Variants in DDB1 observed in about 807,000 individuals in gnomAD.
DDB1 encodes the protein DNA damage-binding protein 1.
In DDB1, 18 loss-of-function variants were observed where a neutral mutation model predicts 133.1. That is an observed-to-expected ratio of 0.14 (90% CI 0.09 to 0.20). The LOEUF is 0.20. DDB1 is among the 10% of genes least tolerant of loss of function. DDB1 has a pLI of 1.00. For synonymous variants in DDB1, 580 were observed against 550.5 expected, an observed-to-expected ratio of 1.05 and a Z score of -0.75; for missense variants, 828 against 1,459.2, an observed-to-expected ratio of 0.57 and a Z score of 7.05.
intron 8 of DDB1, 27 bp from the exon 9 acceptor site, chr11:61,322,439 A>C (rs1007042381): frequency 6.3e-7 from 1 of 1,578,908 alleles, no homozygotes; most frequent in African/African-American, 1.3e-5. Context: ...ATGTTATGTT[A>C]GTCCTAGAAC....
rs527531098 is a variant in DDB1 at position 61,319,580 on chromosome 11, C to T, written c.1225+2015G>A. Among the ~76,000 whole-genome samples the T allele has an allele frequency of 3.9e-5, 6 of 152,168 alleles. No homozygotes were observed. The East Asian group carries it at 7.7e-4, about 20-fold the overall frequency. On this transcript the variant is annotated intron_variant, in intron 10 of 26. Transcript: ENST00000301764. The stretch of plus-strand genomic sequence containing the variant: ...CCGAGTAGCTGGGACTACAGGCACG[C>T]GCCACCACCCCCGGCTAATTTTTTG...
chr11:61,303,013 T>C (rs1590678165), intron 23 of DDB1, 33 bp downstream of exon 23: 1 of 1,591,966 alleles, frequency 6.3e-7, no homozygotes, highest in Non-Finnish European at 8.6e-7. Context: ...CTCCCAGCCC[T>C]CCCCACCACT....
At chr11:61,306,104 G>A (rs1590681206) in intron 21 of DDB1, among the ~76,000 whole-genome samples, 2 of 152,104 alleles carry the variant, frequency 1.3e-5, no homozygotes, top group Admixed American at 1.3e-4. Context: ...GCTGGCAACA[G>A]AACAGATATG....
intron 12 of DDB1, 132 bp from the exon 13 acceptor site, chr11:61,314,618 A>G (rs1856035707): frequency 7.6e-6 from 7 of 917,262 alleles, no homozygotes; most frequent in Non-Finnish European, 1.1e-5. Flanking sequence ...CTTATTCCCC[A>G]AAGTCCTGCT....
intron 10 of DDB1, among the ~76,000 whole-genome samples, chr11:61,320,271 G>C (rs1455185607): frequency 6.6e-6 from 1 of 151,640 alleles, no homozygotes; most frequent in Non-Finnish European, 1.5e-5. Context: ...CGCAGTCTCA[G>C]CTCACTGCAA....
At chr11:61,302,984 T>C in intron 23 of DDB1, 62 bp downstream of exon 23, 2 of 1,473,664 alleles carry the variant, frequency 1.4e-6, no homozygotes, top group Non-Finnish European at 1.9e-6. Context: ...AATGCTTGCA[T>C]CCACCAGAGA....
chr11:61,330,159 A>C, intron 2 of DDB1, 85 bp from the exon 3 acceptor site: 1 of 1,137,562 alleles, frequency 8.8e-7, no homozygotes, highest in Non-Finnish European at 1.3e-6. Flanking sequence ...CAAATTCTTT[A>C]AGAATTTTCC....
rs1565034349 is a variant in DDB1, at chr11:61,316,998, T to TATGGAC, written c.1226-432_1226-431insGTCCAT. 2.5e-4 allele frequency among the ~76,000 whole-genome samples: 23 copies of TATGGAC among 92,166 alleles called. 1 individual carries two copies. Among genetic ancestry groups the TATGGAC allele is most frequent in the Non-Finnish European group, 4.7e-4 (20 of 42,454 alleles). The allele number at this position is 92,166 out of a possible 152,430, so 60.5% of individuals were successfully genotyped here. A position where few individuals can be genotyped will look rare whatever the true frequency, so the allele number is the denominator to read the frequency against. On this transcript the variant is annotated intron_variant, in intron 10 of 26. Coordinates refer to ENST00000301764, the MANE Select transcript of DDB1 (RefSeq NM_001923.5). Reference sequence around the variant, plus strand: ...ATATATATATATATATATATATATATAGACATGGCAGCCTGACACCACTGG... The same window carrying TATGGAC: ...ATATATATATATATATATATATATATATGGACAGACATGGCAGCCTGACACCACTGG...
Position 61,314,492 on chromosome 11 carries a change from T to C in DDB1, c.1411-6A>G. ...CTCACCGATGCTGAAGTGATCTAGATAAACAGCAGATGAACAAATGTCTCC... is the reference window on the plus strand; with the variant it reads ...CTCACCGATGCTGAAGTGATCTAGACAAACAGCAGATGAACAAATGTCTCC... On this transcript the variant is annotated splice_polypyrimidine_tract_variant and splice_region_variant and intron_variant, in intron 12 of 26. Coordinates refer to ENST00000301764, the MANE Select transcript of DDB1 (RefSeq NM_001923.5). The C allele has an allele frequency of 1.2e-6, 2 of 1,604,580 alleles. No individual in the cohort carries two copies. Among genetic ancestry groups the C allele is most frequent in the Non-Finnish European group, 1.7e-6 (2 of 1,175,692 alleles).
rs1358257831 is a variant in DDB1, at chr11:61,322,384, G to C, written c.1034C>G (p.Ser345Cys). 6.2e-7 allele frequency: 1 copy of C among 1,614,010 alleles called. No individual in the cohort carries two copies. Among genetic ancestry groups the C allele is most frequent in the African/African-American group, 1.3e-5 (1 of 74,916 alleles). ...KLNVDSNEQG[S>C]YVVAMETFTN... ...AAAGGTTTCCATGGCCACTACATAG[G>C]AGCCTTGTTCATTACTGTCAACGTT... is the stretch of plus-strand genomic sequence containing the variant. The change falls in exon 9 of 27, where the codon TCC becomes TGC. Residue 345 changes from serine (S) to cysteine (C), a missense_variant. By Grantham distance (112) the Ser-to-Cys change is moderately radical. Transcript: ENST00000301764.
chr11:61,303,856 C>T lies in DDB1; in HGVS notation c.2832+9G>A, dbSNP rs768592984. 6.8e-6 allele frequency: 11 copies of T among 1,613,504 alleles called. No homozygotes were observed. In the Admixed American group the frequency reaches 1.3e-4, roughly 20 times the overall value. On this transcript the variant is annotated intron_variant, in intron 22 of 26. Coordinates refer to ENST00000301764, the MANE Select transcript of DDB1 (RefSeq NM_001923.5). Reference sequence around the variant, plus strand: ...AAGAAGTCTGCTCGCATCCCCCCACCAGCATCACCTCTTCAAAGTTTCCTT... The same window carrying T: ...AAGAAGTCTGCTCGCATCCCCCCACTAGCATCACCTCTTCAAAGTTTCCTT...
At chr11:61,304,078 C>T (rs377301735) in intron 21 of DDB1, 43 bp from the exon 22 acceptor site, 33 of 1,607,066 alleles carry the variant, frequency 2.1e-5, no homozygotes, top group Middle Eastern at 1.9e-4. Flanking sequence ...GGCCAGAGCT[C>T]TCTCAGAATG....
intron 10 of DDB1, among the ~76,000 whole-genome samples, chr11:61,316,946 G>GATATATATATATATATATATAT (rs58564398): frequency 3.4e-5 from 1 of 29,080 alleles, no homozygotes; most frequent in Non-Finnish European, 5.2e-5. Context: ...AAAAAGGATA[G>GATATATATATATATATATATAT]ATATATATAT....
chr11:61,324,033 T>C lies in DDB1; in HGVS notation c.867A>G (p.Glu289=). Residue 289 remains glutamate, a synonymous_variant, in exon 7 of 27, where the codon GAA becomes GAG. Transcript: ENST00000301764. ...TGAGAGTGACGGTGCCATCCATCTG[T>C]TCCTCCTTCTCCAAAAGCAGCATGA... ...RLFMLLLEKE[E]QMDGTVTLKD... is the part of the protein sequence containing the mutation. 5.6e-6 allele frequency: 9 copies of C among 1,614,160 alleles called. No homozygotes were observed. The highest frequency in any genetic ancestry group is 7.6e-6 in the Non-Finnish European group (9 of 1,180,014).
chr11:61,306,102 C>T (rs964167049), intron 21 of DDB1, among the ~76,000 whole-genome samples: 1 of 152,142 alleles, frequency 6.6e-6, no homozygotes, highest in Admixed American at 6.6e-5. Flanking sequence ...TGGCTGGCAA[C>T]AGAACAGATA....
chr11:61,331,814 C>A (rs113542416), intron 1 of DDB1, 123 bp from the exon 2 acceptor site: 4 of 1,341,878 alleles, frequency 3.0e-6, no homozygotes, highest in African/African-American at 1.4e-5. Flanking sequence ...ACTTCTCCAA[C>A]TCCCTCCAGC....
chr11:61,325,740 A>G, intron 5 of DDB1, 32 bp from the exon 6 acceptor site: 2 of 1,576,944 alleles, frequency 1.3e-6, no homozygotes, highest in South Asian at 1.1e-5. Context: ...TAGAATGCTC[A>G]GCACTCTGGG....
At position 61,313,510 on chromosome 11, in the gene DDB1, G is replaced by A; in HGVS notation, c.2058C>T (p.Gly686=). The A allele has an allele frequency of 1.2e-6, 2 of 1,613,988 alleles. No individual in the cohort carries two copies. Among genetic ancestry groups the A allele is most frequent in the South Asian group, 2.2e-5 (2 of 91,054 alleles). Residue 686 remains glycine (G), a synonymous_variant, in exon 16 of 27, where the codon GGC becomes GGT. Coordinates refer to ENST00000301764, the MANE Select transcript of DDB1 (RefSeq NM_001923.5). The part of the protein sequence containing the change: ...VNYMCPLNSD[G]YPDSLALANN... ...AAAAAGAGACTCACCTGTCAGGATA[G>A]CCATCTGAATTGAGGGGACACATGT...
intron 10 of DDB1, among the ~76,000 whole-genome samples, chr11:61,319,685 C>T (rs1394831639): frequency 6.6e-6 from 1 of 152,212 alleles, no homozygotes; most frequent in African/African-American, 2.4e-5. Context: ...CCGCCTCGGC[C>T]TCCCAAAGTG....
Sources: allele counts gnomAD v4.1 joint callset (sites outside exome capture counted in the v4.1 genomes callset), GRCh38; gene constraint gnomAD v4.1.1; transcripts MANE v1.5; gene names NCBI Gene and HGNC (gene_info 2026-07-23, HGNC 2026-07-21).